The following DDC variants were observed in gnomAD, a reference collection of about 807,000 sequenced individuals.
DDC encodes aromatic-L-amino-acid decarboxylase.
DDC carries 43 observed loss-of-function variants against 60.0 expected under a neutral mutation model. The observed-to-expected ratio is 0.72, with a 90% CI of 0.56 to 0.92. The LOEUF is 0.92. Among genes scored for constraint, DDC ranks in the 40% least tolerant of loss-of-function variants. The probability of loss-of-function intolerance (pLI) is 0.00; values close to 1 mark genes in which losing one functional copy is unlikely to be tolerated. For synonymous variants in DDC, 232 were observed against 234.6 expected (o/e 0.99, Z 0.10); for missense variants, 573 against 620.2 (o/e 0.92, Z 0.81).
At chr7:50,491,388 C>T (rs1251748726) in intron 9 of DDC, among the ~76,000 whole-genome samples, 1 of 152,036 alleles carries the variant, frequency 6.6e-6, no homozygotes, top group Non-Finnish European at 1.5e-5. Flanking sequence ...TTACAACCTG[C>T]TAAAAATGAG....
chr7:50,549,669 A>C (rs904835811), intron 1 of DDC, among the ~76,000 whole-genome samples: 1 of 152,034 alleles, frequency 6.6e-6, no homozygotes, highest in East Asian at 1.9e-4. Flanking sequence ...AAAAAAAAAA[A>C]AAAGAACATT....
intron 1 of DDC, among the ~76,000 whole-genome samples, chr7:50,559,616 T>TAC (rs764527179): frequency 6.6e-5 from 10 of 152,134 alleles, no homozygotes; most frequent in Non-Finnish European, 1.3e-4. Flanking sequence ...TTAGTAGAGA[T>TAC]ACGGTTCCAC....
At chr7:50,559,849 A>C (rs139116759) in intron 1 of DDC, among the ~76,000 whole-genome samples, 1,642 of 152,350 alleles carry the variant, frequency 0.011, 27 homozygotes, top group African/African-American at 0.036. Flanking sequence ...AACATCTTGA[A>C]GAGCAGAAAA....
rs765510502 is a variant in DDC at position 50,528,129 on chromosome 7, G to C, written c.714+8C>G. ...TTGGCCAGGAGCCACAAGTGCTGCC[G>C]AACTTACAAAGAAAGGAATCAGGCC... is the stretch of plus-strand genomic sequence containing the variant. On this transcript the variant is annotated splice_region_variant and intron_variant, in intron 6 of 14. Coordinates refer to ENST00000444124, the MANE Select transcript of DDC (RefSeq NM_001082971.2). 21 of 1,612,166 alleles carry C rather than the reference G, an allele frequency of 1.3e-5. No individual in the cohort carries two copies. Among genetic ancestry groups the C allele is most frequent in the Admixed American group, 1.0e-4 (6 of 59,986 alleles).
intron 6 of DDC, among the ~76,000 whole-genome samples, chr7:50,522,310 AG>A: frequency 6.6e-6 from 1 of 152,338 alleles, no homozygotes; most frequent in Non-Finnish European, 1.5e-5. Flanking sequence ...ATACATGGAT[AG>A]GAAGTCTCAA....
chr7:50,557,782 T>A (rs2045232296), intron 1 of DDC, among the ~76,000 whole-genome samples: 1 of 152,226 alleles, frequency 6.6e-6, no homozygotes. Context: ...CCCAGTGGAA[T>A]TGAGACATGT....
intron 9 of DDC, among the ~76,000 whole-genome samples, chr7:50,492,155 A>G (rs2043010327): frequency 6.6e-6 from 1 of 152,246 alleles, no homozygotes; most frequent in South Asian, 2.1e-4. Context: ...GCTTTATCTC[A>G]GACCTCTGGC....
intron 6 of DDC, among the ~76,000 whole-genome samples, chr7:50,517,793 G>A (rs953851849): frequency 4.8e-5 from 6 of 124,782 alleles, no homozygotes; most frequent in Non-Finnish European, 8.2e-5. Flanking sequence ...CAACCAAACT[G>A]AGAATCAAAT....
chr7:50,467,043 A>T (rs1204620063), intron 13 of DDC, among the ~76,000 whole-genome samples, 171 bp downstream of exon 13: 1 of 152,250 alleles, frequency 6.6e-6, no homozygotes, highest in East Asian at 1.9e-4. Context: ...CTGTGCGTGG[A>T]AACAAGGCTG....
intron 1 of DDC, among the ~76,000 whole-genome samples, chr7:50,551,805 C>T (rs1050639299): frequency 3.9e-5 from 6 of 152,170 alleles, no homozygotes; most frequent in African/African-American, 1.4e-4. Flanking sequence ...AGTGAAATCT[C>T]ATAATCTTTT....
intron 1 of DDC, among the ~76,000 whole-genome samples, chr7:50,562,393 A>G (rs1294827583): frequency 6.6e-6 from 1 of 152,212 alleles, no homozygotes; most frequent in African/African-American, 2.4e-5. Flanking sequence ...AAGCGTCACC[A>G]TCCAGGGGGA....
At chr7:50,557,135 A>G (rs1333316928) in intron 1 of DDC, among the ~76,000 whole-genome samples, 1 of 152,192 alleles carries the variant, frequency 6.6e-6, no homozygotes, top group African/African-American at 2.4e-5. Flanking sequence ...ACAACAAACA[A>G]AGATCAAAAT....
At chr7:50,560,278 T>G (rs1304675987) in intron 1 of DDC, among the ~76,000 whole-genome samples, 2 of 152,180 alleles carry the variant, frequency 1.3e-5, no homozygotes, top group Non-Finnish European at 1.5e-5. Flanking sequence ...CTTGGAGTCT[T>G]CAAGAGAGAA....
At chr7:50,462,854 C>T (rs988350470) in intron 14 of DDC, among the ~76,000 whole-genome samples, 19 of 150,366 alleles carry the variant, frequency 1.3e-4, no homozygotes, top group Non-Finnish European at 2.5e-4. Context: ...ACGGCAACCT[C>T]CGCCTCCCAG....
At chr7:50,536,532 C>A (rs1585252444) in intron 4 of DDC, among the ~76,000 whole-genome samples, 1 of 152,134 alleles carries the variant, frequency 6.6e-6, no homozygotes, top group Non-Finnish European at 1.5e-5. Flanking sequence ...GGGCTGTGAG[C>A]CAAGGAATTT....
At chr7:50,533,565 G>T (rs2044288383) in intron 4 of DDC, among the ~76,000 whole-genome samples, 1 of 152,188 alleles carries the variant, frequency 6.6e-6, no homozygotes, top group Non-Finnish European at 1.5e-5. Flanking sequence ...AAAGTGTTGG[G>T]ATTACAGGCG....
intron 12 of DDC, among the ~76,000 whole-genome samples, chr7:50,469,372 C>A (rs1478148616): frequency 6.6e-6 from 1 of 151,934 alleles, no homozygotes; most frequent in African/African-American, 2.4e-5. Context: ...GGTTGCTGGG[C>A]CCCACTGCAG....
At chr7:50,518,789 G>T (rs2043809495) in intron 6 of DDC, among the ~76,000 whole-genome samples, 1 of 152,194 alleles carries the variant, frequency 6.6e-6, no homozygotes, top group Non-Finnish European at 1.5e-5. Flanking sequence ...AAAAATTCTA[G>T]AAGATAACAT....
chr7:50,527,966 G>T lies in DDC; in HGVS notation c.714+171C>A, dbSNP rs11575346. On this transcript the variant is annotated intron_variant, in intron 6 of 14. Coordinates refer to ENST00000444124, the MANE Select transcript of DDC (RefSeq NM_001082971.2). ...GGCTGGAGTGCAGCGGCGCGATCTCGGCTCACTGCAACCTCCGCCTCCCGG... is the reference window on the plus strand; with the variant it reads ...GGCTGGAGTGCAGCGGCGCGATCTCTGCTCACTGCAACCTCCGCCTCCCGG... 4.8e-4 allele frequency: 308 copies of T among 641,640 alleles called. 1 individual carries two copies. The African/African-American group carries it at 5.1e-3, about 11-fold the overall frequency. The allele number at this position is 641,640 out of a possible 1,614,324, so 39.7% of individuals were successfully genotyped here.
Sources: allele counts gnomAD v4.1 joint callset (sites outside exome capture counted in the v4.1 genomes callset), GRCh38; gene constraint gnomAD v4.1.1; transcripts MANE v1.5; gene names NCBI Gene and HGNC (gene_info 2026-07-23, HGNC 2026-07-21).